MACROD2: variants seen among roughly 807,000 people sequenced by gnomAD.
The protein encoded by MACROD2 is mono-ADP ribosylhydrolase 2.
Under a neutral mutation model 70.4 loss-of-function variants are expected in MACROD2, and 36 were observed. That is an observed-to-expected ratio of 0.51 (90% CI 0.39 to 0.68). The LOEUF (loss-of-function observed/expected upper bound fraction) is 0.68. Among genes scored for constraint, MACROD2 ranks in the 30% least tolerant of loss-of-function variants. The pLI is 0.00. For synonymous variants in MACROD2, 172 were observed against 178.8 expected, an observed-to-expected ratio of 0.96 and a Z score of 0.30; for missense variants, 496 against 538.4, an observed-to-expected ratio of 0.92 and a Z score of 0.78.
chr20:14,337,621 C>A, intron 3 of MACROD2: 1 of 398,570 alleles, frequency 2.5e-6, no homozygotes, highest in Non-Finnish European at 4.4e-6. Flanking sequence ...ACACAGCCCA[C>A]CTCCAAGTCT....
At chr20:14,191,039 C>T (rs570643143) in intron 3 of MACROD2, among the ~76,000 whole-genome samples, 1 of 151,972 alleles carries the variant, frequency 6.6e-6, no homozygotes, top group Non-Finnish European at 1.5e-5. Flanking sequence ...AGGAATGAGC[C>T]TCATTTTATC....
intron 6 of MACROD2, among the ~76,000 whole-genome samples, chr20:15,277,983 A>G (rs1306102361): frequency 1.3e-5 from 2 of 152,226 alleles, no homozygotes; most frequent in African/African-American, 4.8e-5. Flanking sequence ...TAATATGAGC[A>G]TTCAGGAAGA....
intron 5 of MACROD2, among the ~76,000 whole-genome samples, chr20:15,130,607 T>TA (rs1018113690): frequency 2.0e-4 from 31 of 151,968 alleles, no homozygotes; most frequent in Admixed American, 1.4e-3. Context: ...AATTAGGGGA[T>TA]AAAAAACAGA....
intron 3 of MACROD2, chr20:14,322,951 A>C (rs1437962937): frequency 6.6e-6 from 1 of 152,048 alleles, no homozygotes; most frequent in Non-Finnish European, 1.5e-5. Flanking sequence ...CTGAGATTTC[A>C]AGTCTTTTGA....
Position 15,516,584 on chromosome 20 carries a change from G to A in MACROD2, c.645+16737G>A, listed in dbSNP as rs900567670. 1.1e-4 allele frequency among the ~76,000 whole-genome samples: 16 copies of A among 152,190 alleles called. 1 individual carries two copies. Among genetic ancestry groups the A allele is most frequent in the African/African-American group, 2.9e-4 (12 of 41,510 alleles). On this transcript the variant is annotated intron_variant, in intron 8 of 17. Coordinates refer to ENST00000684519, the MANE Select transcript of MACROD2 (RefSeq NM_001351661.2). ...GAGGACAGAGTCAAGGAAGACTCTG[G>A]GTGCGTTCTGGTTTGAACAGAAGGT...
intron 5 of MACROD2, among the ~76,000 whole-genome samples, chr20:15,218,685 T>G (rs1191426437): frequency 6.6e-6 from 1 of 152,064 alleles, no homozygotes; most frequent in African/African-American, 2.4e-5. Context: ...AAGAGGATGG[T>G]GAGTGGAAAT....
At chr20:15,657,317 G>A (rs1236721194) in intron 8 of MACROD2, among the ~76,000 whole-genome samples, 1 of 152,164 alleles carries the variant, frequency 6.6e-6, no homozygotes, top group Non-Finnish European at 1.5e-5. Flanking sequence ...CCAAGCCTTA[G>A]AGCATAAGGC....
chr20:15,735,531 G>A (rs908495218), intron 8 of MACROD2, among the ~76,000 whole-genome samples: 1 of 152,246 alleles, frequency 6.6e-6, no homozygotes, highest in East Asian at 1.9e-4. Context: ...TTGTTAACAT[G>A]CTGTTTCATT....
intron 7 of MACROD2, among the ~76,000 whole-genome samples, chr20:15,442,428 C>G (rs932564152): frequency 6.6e-6 from 1 of 152,124 alleles, no homozygotes; most frequent in Non-Finnish European, 1.5e-5. Flanking sequence ...CTCTGTCATT[C>G]AAGGAGCCAG....
chr20:15,650,727 A>G (rs906526593), intron 8 of MACROD2, among the ~76,000 whole-genome samples: 2 of 151,656 alleles, frequency 1.3e-5, no homozygotes, highest in Non-Finnish European at 2.9e-5. Flanking sequence ...GGATAGCACA[A>G]TTTTTTTTTG....
At chr20:15,943,115 C>T (rs2065773089) in intron 12 of MACROD2, among the ~76,000 whole-genome samples, 1 of 152,036 alleles carries the variant, frequency 6.6e-6, no homozygotes, top group Non-Finnish European at 1.5e-5. Flanking sequence ...AAAGCTAGAG[C>T]CAAGAGTCAG....
Position 15,916,397 on chromosome 20 carries a change from T to G in MACROD2, c.776-16879T>G, listed in dbSNP as rs562073469. On this transcript the variant is annotated intron_variant, in intron 10 of 17. Transcript: ENST00000684519. Reference sequence around the variant, plus strand: ...TTATAGCCTAATCTCAAAAAGGACATAGCATCACTTTGGCTGTGTTCTGTT... The same window carrying G: ...TTATAGCCTAATCTCAAAAAGGACAGAGCATCACTTTGGCTGTGTTCTGTT... 1.1e-4 allele frequency among the ~76,000 whole-genome samples: 16 copies of G among 152,318 alleles called. No individual in the cohort carries two copies. In the East Asian group the frequency reaches 1.7e-3, roughly 17 times the overall value.
intron 4 of MACROD2, among the ~76,000 whole-genome samples, chr20:14,665,201 T>C (rs2070724183): frequency 1.3e-5 from 2 of 152,116 alleles, no homozygotes; most frequent in Non-Finnish European, 2.9e-5. Context: ...GCCTAGGAAG[T>C]CTTTGTTAAA....
chr20:15,421,998 A>G (rs1184932576), intron 6 of MACROD2, among the ~76,000 whole-genome samples: 1 of 152,266 alleles, frequency 6.6e-6, no homozygotes, highest in Non-Finnish European at 1.5e-5. Flanking sequence ...GAAATGGAGT[A>G]TGCCAGACAG....
intron 3 of MACROD2, chr20:14,086,301 T>G (rs909378270): frequency 1.1e-5 from 3 of 279,046 alleles, no homozygotes; most frequent in Middle Eastern, 1.3e-3. Context: ...TTGGGAAAAA[T>G]TTTACAGATG....
At chr20:15,687,300 T>A (rs1214470352) in intron 8 of MACROD2, among the ~76,000 whole-genome samples, 1 of 150,216 alleles carries the variant, frequency 6.7e-6, no homozygotes, top group Non-Finnish European at 1.5e-5. Flanking sequence ...ATATATATAT[T>A]TTATATATAT....
chr20:14,557,823 T>G (rs1211768904), intron 4 of MACROD2, among the ~76,000 whole-genome samples: 2 of 151,858 alleles, frequency 1.3e-5, no homozygotes, highest in Non-Finnish European at 2.9e-5. Context: ...TAGCAGTTCA[T>G]CAAATTGTTA....
intron 5 of MACROD2, among the ~76,000 whole-genome samples, chr20:15,130,662 G>A (rs1351094435): frequency 6.6e-6 from 1 of 152,060 alleles, no homozygotes; most frequent in Admixed American, 6.6e-5. Context: ...CAATAAACAA[G>A]GTTGTAATTG....
chr20:14,818,221 A>G (rs138280651), intron 5 of MACROD2, among the ~76,000 whole-genome samples: 62 of 152,250 alleles, frequency 4.1e-4, no homozygotes, highest in African/African-American at 1.1e-3. Flanking sequence ...TGAGGTCCGC[A>G]CAGTCAGGGT....
Sources: allele counts gnomAD v4.1 joint callset (sites outside exome capture counted in the v4.1 genomes callset), GRCh38; gene constraint gnomAD v4.1.1; transcripts MANE v1.5; gene names NCBI Gene and HGNC (gene_info 2026-07-23, HGNC 2026-07-21).